The following DNAH6 variants were observed in gnomAD, a reference collection of about 807,000 sequenced individuals.
The protein encoded by DNAH6 is dynein axonemal heavy chain 6.
DNAH6 carries 340 observed loss-of-function variants against 491.4 expected under a neutral mutation model. That is an observed-to-expected ratio of 0.69 (90% CI 0.63 to 0.76). The LOEUF (loss-of-function observed/expected upper bound fraction) is 0.76, where lower values mean the gene tolerates loss of function less well. Ranked by LOEUF, DNAH6 falls within the 30% of genes least tolerant of loss-of-function variation. The probability of loss-of-function intolerance (pLI) is 0.00; values close to 1 mark genes in which losing one functional copy is unlikely to be tolerated. For missense variants in DNAH6, 4,443 were observed against 4,972.2 expected, an observed-to-expected ratio of 0.89 and a Z score of 3.20; for synonymous variants, 1,603 against 1,686.1, an observed-to-expected ratio of 0.95 and a Z score of 1.21.
chr2:84,626,043 G>A (rs765899040), intron 29 of DNAH6, among the ~76,000 whole-genome samples: 23 of 152,034 alleles, frequency 1.5e-4, no homozygotes, highest in Non-Finnish European at 2.9e-4. Flanking sequence ...TCTCATGAGA[G>A]AGTGAGAATG....
At chr2:84,764,673 T>C (rs992377511) in intron 64 of DNAH6, among the ~76,000 whole-genome samples, 1 of 152,166 alleles carries the variant, frequency 6.6e-6, no homozygotes, top group Admixed American at 6.6e-5. Context: ...ACTTTTAGAC[T>C]TCTGTGATAT....
At chr2:84,703,681 A>G in intron 50 of DNAH6, 119 bp downstream of exon 50, 1 of 952,254 alleles carries the variant, frequency 1.1e-6, no homozygotes. Flanking sequence ...TAAGTGATAG[A>G]TTTAGCAAAG....
intron 42 of DNAH6, among the ~76,000 whole-genome samples, chr2:84,683,021 C>T (rs966284693): frequency 4.6e-5 from 7 of 152,156 alleles, no homozygotes; most frequent in African/African-American, 1.7e-4. Context: ...ATCGGGCCTG[C>T]CCAGGGACCG....
At chr2:84,722,319 T>C (rs935587477) in intron 59 of DNAH6, among the ~76,000 whole-genome samples, 3 of 152,140 alleles carry the variant, frequency 2.0e-5, no homozygotes, top group African/African-American at 7.2e-5. Context: ...AGGAGTGCTG[T>C]GATGGTGTTT....
chr2:84,694,575 G>A, intron 46 of DNAH6, 95 bp downstream of exon 46: 2 of 846,000 alleles, frequency 2.4e-6, no homozygotes, highest in Admixed American at 5.0e-5. Flanking sequence ...GAAGTTCAAG[G>A]GGATTGTTCC....
At chr2:84,679,517 C>T (rs1156678947) in intron 41 of DNAH6, among the ~76,000 whole-genome samples, 1 of 152,110 alleles carries the variant, frequency 6.6e-6, no homozygotes, top group Non-Finnish European at 1.5e-5. Context: ...AACTGAAAAC[C>T]GTGATCAGCT....
At chr2:84,701,676 CTT>C (rs1333639820) in intron 49 of DNAH6, among the ~76,000 whole-genome samples, 2 of 152,110 alleles carry the variant, frequency 1.3e-5, no homozygotes, top group African/African-American at 4.8e-5. Context: ...GTGCCACACA[CTT>C]TTAAACACCA....
intron 11 of DNAH6, among the ~76,000 whole-genome samples, chr2:84,572,179 G>C (rs770422697): frequency 1.3e-5 from 2 of 152,004 alleles, no homozygotes; most frequent in Non-Finnish European, 2.9e-5. Context: ...AAATATTTAG[G>C]GGTCAATGTG....
At chr2:84,627,252 T>C (rs1687969395) in intron 29 of DNAH6, among the ~76,000 whole-genome samples, 1 of 152,242 alleles carries the variant, frequency 6.6e-6, no homozygotes, top group South Asian at 2.1e-4. Context: ...TCAGGACCAC[T>C]GTTCTAGAGT....
chr2:84,511,511 T>C (rs779397168), upstream of DNAH6, among the ~76,000 whole-genome samples: 2 of 152,060 alleles, frequency 1.3e-5, no homozygotes, highest in African/African-American at 2.4e-5. Context: ...CCCTGACCCC[T>C]TGTGCTTCCC....
chr2:84,522,898 T>C (rs1160147203), intron 2 of DNAH6, among the ~76,000 whole-genome samples: 1 of 152,174 alleles, frequency 6.6e-6, no homozygotes, highest in Admixed American at 6.5e-5. Flanking sequence ...GCATCAATGT[T>C]TGTCAAGGAT....
At chr2:84,777,800 A>G in intron 64 of DNAH6, 1 of 1,105,254 alleles carries the variant, frequency 9.0e-7, no homozygotes, top group Non-Finnish European at 1.4e-6. Flanking sequence ...GAAGCCACTT[A>G]TCTTCCAAGC....
chr2:84,732,745 A>G (rs1464766847), intron 61 of DNAH6, among the ~76,000 whole-genome samples: 1 of 152,236 alleles, frequency 6.6e-6, no homozygotes, highest in African/African-American at 2.4e-5. Flanking sequence ...ATTAGATTAT[A>G]TACTTCAAAT....
In DNAH6 at chr2:84,696,780, A is replaced by T. The variant is rs922903432; in HGVS notation, c.7525-795A>T. Among the ~76,000 whole-genome samples, 10 of 152,230 alleles carry T rather than the reference A, an allele frequency of 6.6e-5. No individual in the cohort carries two copies. In the East Asian group the frequency reaches 1.9e-3, roughly 29 times the overall value. ...GGTAAACGAGAGATTGCTTTTAAATATTTGCATCAATGTTGAAAGACAAAA... is the reference window on the plus strand; with the variant it reads ...GGTAAACGAGAGATTGCTTTTAAATTTTTGCATCAATGTTGAAAGACAAAA... On this transcript the variant is annotated intron_variant, in intron 46 of 76. Transcript: ENST00000389394.
At chr2:84,641,781 G>A (rs993632985) in intron 32 of DNAH6, among the ~76,000 whole-genome samples, 166 bp from the exon 33 acceptor site, 2 of 152,188 alleles carry the variant, frequency 1.3e-5, no homozygotes, top group African/African-American at 4.8e-5. Flanking sequence ...TGCAGGACTT[G>A]TCAGTATGCT....
At chr2:84,681,664 C>A in intron 42 of DNAH6, 136 bp downstream of exon 42, 1 of 645,592 alleles carries the variant, frequency 1.5e-6, no homozygotes, top group Non-Finnish European at 2.3e-6. Flanking sequence ...CCTATTCAGG[C>A]TGAGTGCTTC....
chr2:84,752,418 C>T (rs936234533), intron 63 of DNAH6, among the ~76,000 whole-genome samples: 4 of 152,176 alleles, frequency 2.6e-5, no homozygotes, highest in Non-Finnish European at 5.9e-5. Flanking sequence ...CTGTCACAGA[C>T]ATACTCTTTG....
intron 41 of DNAH6, 46 bp from the exon 42 acceptor site, chr2:84,681,311 G>T: frequency 7.1e-7 from 1 of 1,405,744 alleles, no homozygotes; most frequent in Non-Finnish European, 9.5e-7. Flanking sequence ...ATAGATATTT[G>T]GTTTAAAATA....
At position 84,718,356 on chromosome 2, in the gene DNAH6, A is replaced by G. The variant is rs1317079489; in HGVS notation, c.9764A>G (p.Glu3255Gly). 2 of 1,542,906 alleles carry G rather than the reference A, an allele frequency of 1.3e-6. No individual in the cohort carries two copies. Among genetic ancestry groups the G allele is most frequent in the Non-Finnish European group, 1.7e-6 (2 of 1,144,758 alleles). The stretch of plus-strand genomic sequence containing the variant: ...GAAGGAAATATTCTGGACAATGAAG[A>G]ACTTATTGACACACTCCAGGATTCA... ...TSEGNILDNEELIDTLQDSKI... is the reference protein window; with the variant it reads ...TSEGNILDNEGLIDTLQDSKI... The change falls in exon 59 of 77, where the codon GAA becomes GGA. Residue 3255 changes from glutamate (E) to glycine (G), a missense_variant. Physicochemically the swap from Glu to Gly is moderately conservative, Grantham distance 98 (BLOSUM62 -2). Around this residue, in one of 3 missense-constraint regions of DNAH6, gnomAD observed 1,463 missense variants for 1,656.6 expected, o/e 0.88. Transcript: ENST00000389394.
Sources: allele counts gnomAD v4.1 joint callset (sites outside exome capture counted in the v4.1 genomes callset), GRCh38; gene constraint gnomAD v4.1.1; regional missense constraint gnomAD v4.1.1; transcripts MANE v1.5; gene names NCBI Gene and HGNC (gene_info 2026-07-23, HGNC 2026-07-21).